Variants in LRCH3 observed in about 807,000 individuals in gnomAD.
LRCH3 encodes DISP complex protein LRCH3.
LRCH3 carries 68 observed loss-of-function variants against 104.5 expected under a neutral mutation model. That is an observed-to-expected ratio of 0.65 (90% CI 0.54 to 0.80). The LOEUF (loss-of-function observed/expected upper bound fraction) is 0.80. Among genes scored for constraint, LRCH3 ranks in the 30% least tolerant of loss-of-function variants. The pLI, the probability that LRCH3 is intolerant of heterozygous loss-of-function variation, is 0.00. For missense variants in LRCH3, 951 were observed against 953.9 expected (o/e 1.00, Z 0.04); for synonymous variants, 344 against 361.3 (o/e 0.95, Z 0.54).
chr3:197,829,487 A>G (rs1735644887), intron 5 of LRCH3, 77 bp from the exon 6 acceptor site: 4 of 857,628 alleles, frequency 4.7e-6, no homozygotes, highest in Middle Eastern at 2.3e-4. Context: ...TGTATGTTAC[A>G]TAAAATGTTG....
At chr3:197,878,292 AATT>A (rs777729665) in intron 20 of LRCH3, among the ~76,000 whole-genome samples, 20 of 152,132 alleles carry the variant, frequency 1.3e-4, no homozygotes, top group Non-Finnish European at 1.3e-4. Flanking sequence ...CGTACCTTGG[AATT>A]ATTTCAGGAT....
chr3:197,881,334 C>T, intron 20 of LRCH3: 1 of 988,646 alleles, frequency 1.0e-6, no homozygotes, highest in Non-Finnish European at 1.2e-6. Flanking sequence ...TTAGTTTGGT[C>T]AGAATGTTCA....
chr3:197,813,248 T>G (rs958557719), intron 1 of LRCH3, among the ~76,000 whole-genome samples: 1 of 152,182 alleles, frequency 6.6e-6, no homozygotes, highest in Admixed American at 6.6e-5. Flanking sequence ...ATTTATACTC[T>G]TTTAATTATT....
At position 197,883,506 on chromosome 3, in the gene LRCH3, T is replaced by C; in HGVS notation, c.2209-35T>C. On this transcript the variant is annotated intron_variant, in intron 20 of 20. Transcript: ENST00000425562. The surrounding 1 kb of genome is among the most constrained non-coding windows in gnomAD (Gnocchi z 4.2). ...TCTATGATATTCATCCGATTTTCTT[T>C]TTTGTTTGTTTTCATGTTACGTTGT... 6.6e-7 allele frequency: 1 copy of C among 1,522,534 alleles called. No individual in the cohort carries two copies. Among genetic ancestry groups the C allele is most frequent in the Non-Finnish European group, 8.8e-7 (1 of 1,138,790 alleles). The allele number at this position is 1,522,534 out of a possible 1,614,324, so 94.3% of individuals were successfully genotyped here.
chr3:197,859,479 T>C (rs1740637423), intron 15 of LRCH3: 2 of 152,188 alleles, frequency 1.3e-5, no homozygotes, highest in South Asian at 4.1e-4. Flanking sequence ...AGAAAAAAAA[T>C]CGCAAACCCC....
At chr3:197,812,024 T>C (rs1351076196) in intron 1 of LRCH3, among the ~76,000 whole-genome samples, 3 of 152,164 alleles carry the variant, frequency 2.0e-5, no homozygotes, top group African/African-American at 7.2e-5. Context: ...TTTTAAATTG[T>C]TGTGGTAAAA....
At chr3:197,834,581 G>A (rs1177665446) in intron 8 of LRCH3, among the ~76,000 whole-genome samples, 2 of 151,972 alleles carry the variant, frequency 1.3e-5, no homozygotes, top group African/African-American at 2.4e-5. Flanking sequence ...GACTGTGTTC[G>A]GTTTTCCACC....
At chr3:197,853,602 G>A (rs1207990465) in intron 13 of LRCH3, among the ~76,000 whole-genome samples, 1 of 152,148 alleles carries the variant, frequency 6.6e-6, no homozygotes, top group Non-Finnish European at 1.5e-5. Context: ...AACCTAACAC[G>A]TGGGGCTTTA....
chr3:197,817,612 G>T (rs1022247503), intron 3 of LRCH3, among the ~76,000 whole-genome samples: 10 of 151,534 alleles, frequency 6.6e-5, no homozygotes, highest in African/African-American at 2.4e-4. Flanking sequence ...AATATTAAAT[G>T]ATTTCTGTGT....
At chr3:197,811,878 GTAT>G (rs1159431723) in intron 1 of LRCH3, among the ~76,000 whole-genome samples, 2 of 152,110 alleles carry the variant, frequency 1.3e-5, no homozygotes, top group East Asian at 1.9e-4. Flanking sequence ...TGTAATTTGT[GTAT>G]TATTCATTTT....
At position 197,826,868 on chromosome 3, in the gene LRCH3, CT is replaced by C; in HGVS notation, c.641-8del. ...CATTAATTGTTCATTTCCATTTTAC[CT>C]TCTTGCAGAGCTGGCGGAGTTGCCT... On this transcript the variant is annotated splice_polypyrimidine_tract_variant and intron_variant, in intron 4 of 20. Transcript: ENST00000425562. The C allele has an allele frequency of 6.2e-7, 1 of 1,613,828 alleles. No individual in the cohort carries two copies. Among genetic ancestry groups the C allele is most frequent in the Non-Finnish European group, 8.5e-7 (1 of 1,179,906 alleles).
At chr3:197,869,413 C>T in intron 17 of LRCH3, among the ~76,000 whole-genome samples, 1 of 150,982 alleles carries the variant, frequency 6.6e-6, no homozygotes, top group African/African-American at 2.4e-5. Flanking sequence ...TGCACTGTAC[C>T]TGCAGGAGGT....
At position 197,828,225 on chromosome 3, in the gene LRCH3, G is replaced by C. The variant is rs555671409; in HGVS notation, c.777+1211G>C. 7.2e-5 allele frequency among the ~76,000 whole-genome samples: 11 copies of C among 152,186 alleles called. 1 individual carries two copies. In the South Asian group the frequency reaches 1.2e-3, roughly 17 times the overall value. ...CCTACTTTAGACAGTTTGGTCATTT[G>C]TTTACCAGTGACTGAAGTGAAGCTA... On this transcript the variant is annotated intron_variant, in intron 5 of 20. Transcript: ENST00000425562.
chr3:197,817,360 G>GTATATATATATATATATATA lies in LRCH3; in HGVS notation c.534+77_534+78insATATATATATATATATATAT, dbSNP rs58866690. 140 of 89,770 alleles carry GTATATATATATATATATATA rather than the reference G, an allele frequency of 1.6e-3. 5 individuals carry two copies. Among genetic ancestry groups the GTATATATATATATATATATA allele is most frequent in the African/African-American group, 9.0e-3 (105 of 11,676 alleles). 5.6% of individuals were successfully genotyped at this position (89,770 alleles called of 1,614,324 possible). A position where few individuals can be genotyped will look rare whatever the true frequency, so the allele number is the denominator to read the frequency against. ...TGTGTGTGTGTCTGTGTGTGTGTGT[G>GTATATATATATATATATATA]TATATATATATATATATATGAAACC... On this transcript the variant is annotated intron_variant, in intron 3 of 20. Transcript: ENST00000425562.
In LRCH3 at chr3:197,826,920, A is replaced by T; in HGVS notation, c.683A>T (p.Asn228Ile). ...TTGATACGGTTAGACTTCTCATGCA[A>T]TAAAATTACCACAATCCCTGTTTGT... ...LPLIRLDFSC[N>I]KITTIPVCYR... The change falls in exon 5 of 21, where the codon AAT (asparagine) becomes ATT (isoleucine). Residue 228 changes from asparagine to isoleucine, a missense_variant. Physicochemically the swap from Asn to Ile is moderately radical, Grantham distance 149. Transcript: ENST00000425562. 6.2e-7 allele frequency: 1 copy of T among 1,614,114 alleles called. No individual in the cohort carries two copies. Among genetic ancestry groups the T allele is most frequent in the Non-Finnish European group, 8.5e-7 (1 of 1,180,018 alleles).
At chr3:197,869,985 G>A (rs148920332) in intron 17 of LRCH3, among the ~76,000 whole-genome samples, 175 bp from the exon 18 acceptor site, 2,839 of 151,538 alleles carry the variant, frequency 0.019, 35 homozygotes, top group Non-Finnish European at 0.03. Flanking sequence ...CACTGTACCC[G>A]CAGGAGGTAG....
chr3:197,869,911 C>G (rs111360523), intron 17 of LRCH3, among the ~76,000 whole-genome samples: 171 of 132,198 alleles, frequency 1.3e-3, no homozygotes, highest in South Asian at 2.7e-3. Flanking sequence ...GGTAGAAAGC[C>G]ATGCACTGTA....
chr3:197,857,595 C>A (rs1002853890), intron 14 of LRCH3, among the ~76,000 whole-genome samples: 1 of 152,230 alleles, frequency 6.6e-6, no homozygotes, highest in Non-Finnish European at 1.5e-5. Context: ...CTGTTGCTTT[C>A]GTCTATATCA....
chr3:197,845,037 G>A (rs1738440630), intron 10 of LRCH3, among the ~76,000 whole-genome samples: 1 of 152,166 alleles, frequency 6.6e-6, no homozygotes, highest in Admixed American at 6.5e-5. Context: ...TGAAAGGACG[G>A]GACGCAGATT....
Sources: gnomAD v4.1 joint callset for allele counts (sites outside exome capture counted in the v4.1 genomes callset) on GRCh38, gnomAD v4.1.1 for gene constraint, Gnocchi (gnomAD v3.1) non-coding constraint, MANE v1.5 for transcripts, NCBI Gene and HGNC (gene_info 2026-07-23, HGNC 2026-07-21) for gene names.